Variants in TET1 observed in about 807,000 individuals in gnomAD.
The protein encoded by TET1 is methylcytosine dioxygenase TET1.
In TET1, 13 loss-of-function variants were observed where a neutral mutation model predicts 148.7. The ratio of observed to expected loss-of-function variants is 0.09; its 90% CI spans 0.06 to 0.14. TET1 has a LOEUF of 0.14. Ranked by LOEUF, TET1 falls within the 10% of genes least tolerant of loss-of-function variation. The pLI, the probability that TET1 is intolerant of heterozygous loss-of-function variation, is 1.00. For missense variants in TET1, 2,182 were observed against 2,553.8 expected, an observed-to-expected ratio of 0.85 and a Z score of 3.14; for synonymous variants, 907 against 937.2, an observed-to-expected ratio of 0.97 and a Z score of 0.59.
intron 7 of TET1, among the ~76,000 whole-genome samples, chr10:68,670,327 T>C (rs149318990): frequency 6.6e-6 from 1 of 152,242 alleles, no homozygotes; most frequent in African/African-American, 2.4e-5. Flanking sequence ...TTGTCTGTCA[T>C]GACATTGAAA....
chr10:68,654,372 A>G (rs1007315811), intron 6 of TET1, among the ~76,000 whole-genome samples: 2 of 151,240 alleles, frequency 1.3e-5, no homozygotes, highest in African/African-American at 2.4e-5. Flanking sequence ...TCCCAGCACT[A>G]TGGGAGGCCG....
chr10:68,570,720 C>T (rs995465247), intron 1 of TET1, among the ~76,000 whole-genome samples: 23 of 151,550 alleles, frequency 1.5e-4, no homozygotes, highest in Non-Finnish European at 1.6e-4. Context: ...AGCTCCGCCT[C>T]CCGGGTTCAC....
intron 2 of TET1, among the ~76,000 whole-genome samples, chr10:68,582,642 T>C (rs10762232): frequency 0.49 from 74,768 of 151,948 alleles, 19,013 homozygotes; most frequent in East Asian, 0.56. Context: ...TTGACACACT[T>C]GTATTATTTT....
At chr10:68,566,471 T>C (rs1251159186) in intron 1 of TET1, among the ~76,000 whole-genome samples, 1 of 151,468 alleles carries the variant, frequency 6.6e-6, no homozygotes, top group African/African-American at 2.4e-5. Context: ...AAAGACTGAA[T>C]TACTGCAAGC....
chr10:68,575,747 C>T (rs561483853), intron 2 of TET1, among the ~76,000 whole-genome samples: 6 of 150,988 alleles, frequency 4.0e-5, no homozygotes, highest in Admixed American at 1.3e-4. Flanking sequence ...ATAGGCCGGG[C>T]GCGGTGGCTC....
intron 1 of TET1, among the ~76,000 whole-genome samples, chr10:68,570,389 G>A (rs1257544684): frequency 2.0e-5 from 3 of 151,846 alleles, no homozygotes; most frequent in East Asian, 1.9e-4. Flanking sequence ...ACAGGCGTGA[G>A]CCACCGCGCC....
At position 68,569,166 on chromosome 10, in the gene TET1, C is replaced by CTTTTTTTT. The variant is rs34385747; in HGVS notation, c.-122-3034_-122-3027dup. On this transcript the variant is annotated intron_variant, in intron 1 of 11. Transcript: ENST00000373644. ...GCTGGATCTCCAGGCAGGAGAGTTT[C>CTTTTTTTT]TTTTTTTTTTTTTTTTTTTTTTTTG... Among the ~76,000 whole-genome samples, 33 of 69,774 alleles carry CTTTTTTTT rather than the reference C, an allele frequency of 4.7e-4. 1 individual carries two copies. The highest frequency in any genetic ancestry group is 1.4e-3 in the African/African-American group (25 of 17,398). 45.8% of individuals were successfully genotyped at this position (69,774 alleles called of 152,430 possible). A position where few individuals can be genotyped will look rare whatever the true frequency, so the allele number is the denominator to read the frequency against.
intron 6 of TET1, among the ~76,000 whole-genome samples, chr10:68,659,505 G>A (rs1276033296): frequency 1.3e-5 from 2 of 152,020 alleles, no homozygotes; most frequent in Non-Finnish European, 2.9e-5. Flanking sequence ...TTTTAGTAGA[G>A]GTGGGGTTTC....
At chr10:68,665,210 T>G (rs1275573632) in intron 6 of TET1, among the ~76,000 whole-genome samples, 1 of 152,154 alleles carries the variant, frequency 6.6e-6, no homozygotes, top group East Asian at 1.9e-4. Flanking sequence ...TAATTCAAGT[T>G]GATCAATGTG....
At chr10:68,629,016 C>T (rs1197145560) in intron 3 of TET1, among the ~76,000 whole-genome samples, 2 of 152,168 alleles carry the variant, frequency 1.3e-5, no homozygotes, top group African/African-American at 4.8e-5. Context: ...ACATTTTTCT[C>T]TAAAATAGAA....
At chr10:68,560,947 G>A (rs1590147504) in intron 1 of TET1, among the ~76,000 whole-genome samples, 1 of 152,210 alleles carries the variant, frequency 6.6e-6, no homozygotes, top group Admixed American at 6.5e-5. Context: ...TTTGTTGCCG[G>A]AGATAAACAA....
intron 3 of TET1, among the ~76,000 whole-genome samples, chr10:68,619,315 C>T (rs982153925): frequency 6.6e-6 from 1 of 152,082 alleles, no homozygotes; most frequent in South Asian, 2.1e-4. Context: ...CTGTAACCTC[C>T]GCCTCCCGGG....
Position 68,682,093 on chromosome 10 carries a change from CT to C in TET1, c.4914+629del, listed in dbSNP as rs386371716. 5.4e-3 allele frequency among the ~76,000 whole-genome samples: 365 copies of C among 66,998 alleles called. 1 individual carries two copies. The highest frequency in any genetic ancestry group is 0.021 in the African/African-American group (348 of 16,222). 44.0% of individuals were successfully genotyped at this position (66,998 alleles called of 152,430 possible). A position where few individuals can be genotyped will look rare whatever the true frequency, so the allele number is the denominator to read the frequency against. On this transcript the variant is annotated intron_variant, in intron 9 of 11. Coordinates refer to ENST00000373644, the MANE Select transcript of TET1 (RefSeq NM_030625.3). ...TAATTGGACTTTTTATTGATCTACT[CT>C]TTTTTTTTTTTTTTTTTTTTTTTGA...
chr10:68,673,111 C>T, intron 8 of TET1, 66 bp downstream of exon 8: 2 of 1,400,454 alleles, frequency 1.4e-6, no homozygotes, highest in South Asian at 1.7e-5. Context: ...AAGTGCATTC[C>T]TTTAACATTT....
intron 2 of TET1, among the ~76,000 whole-genome samples, chr10:68,587,614 A>G (rs1395981199): frequency 6.6e-6 from 1 of 152,228 alleles, no homozygotes; most frequent in Non-Finnish European, 1.5e-5. Context: ...ACCTTTATTA[A>G]TTAGGTACAT....
At chr10:68,660,474 G>C (rs2055091055) in intron 6 of TET1, among the ~76,000 whole-genome samples, 1 of 150,904 alleles carries the variant, frequency 6.6e-6, no homozygotes. Context: ...TAAGTACCTG[G>C]GATTACAGGT....
chr10:68,587,436 A>G (rs1260221509), intron 2 of TET1, among the ~76,000 whole-genome samples: 2 of 152,194 alleles, frequency 1.3e-5, no homozygotes, highest in South Asian at 2.1e-4. Flanking sequence ...GAGTTATTAC[A>G]GAATTGCAGG....
intron 4 of TET1, among the ~76,000 whole-genome samples, chr10:68,649,442 TAAAAAATAC>T (rs1216682540): frequency 6.6e-6 from 1 of 151,714 alleles, no homozygotes; most frequent in Non-Finnish European, 1.5e-5. Context: ...CCGTCTCTAC[TAAAAAATAC>T]AAAAAATTAG....
chr10:68,690,935 A>G lies in TET1; in HGVS notation c.5532A>G (p.Ala1844=). 6.2e-7 allele frequency: 1 copy of G among 1,614,240 alleles called. No homozygotes were observed. The highest frequency in any genetic ancestry group is 1.1e-5 in the South Asian group (1 of 91,086). The change falls in exon 12 of 12, where the codon GCA becomes GCG. Residue 1844 remains alanine, a synonymous_variant. Coordinates refer to ENST00000373644, the MANE Select transcript of TET1 (RefSeq NM_030625.3). ...CCGCTCCTCACCCAGTGAAAGAGGCATCTCCAGGCTTCTCCTGGTCCCCGA... is the reference window on the plus strand; with the variant it reads ...CCGCTCCTCACCCAGTGAAAGAGGCGTCTCCAGGCTTCTCCTGGTCCCCGA... ...MPSAPHPVKE[A]SPGFSWSPKT...
Sources: gnomAD v4.1 joint callset for allele counts (sites outside exome capture counted in the v4.1 genomes callset) on GRCh38, gnomAD v4.1.1 for gene constraint, MANE v1.5 for transcripts, NCBI Gene and HGNC (gene_info 2026-07-23, HGNC 2026-07-21) for gene names.